The following TNS3 variants were observed in gnomAD, a reference collection of about 807,000 sequenced individuals.
The protein encoded by TNS3 is tensin-3.
TNS3 carries 45 observed loss-of-function variants against 140.9 expected under a neutral mutation model. The ratio of observed to expected loss-of-function variants is 0.32; its 90% CI spans 0.25 to 0.41. The LOEUF is 0.41. Among genes scored for constraint, TNS3 ranks in the 10% least tolerant of loss-of-function variants. TNS3 has a pLI of 1.00. For synonymous variants in TNS3, 815 were observed against 788.4 expected, an observed-to-expected ratio of 1.03 and a Z score of -0.56; for missense variants, 1,716 against 1,906.7, an observed-to-expected ratio of 0.90 and a Z score of 1.86.
At chr7:47,580,168 G>A (rs1269366589) in intron 1 of TNS3, among the ~76,000 whole-genome samples, 3 of 152,160 alleles carry the variant, frequency 2.0e-5, no homozygotes, top group African/African-American at 7.2e-5. Context: ...GAATTCAGTC[G>A]ACAGACGCGC....
At chr7:47,424,720 C>A (rs1417956194) in intron 9 of TNS3, among the ~76,000 whole-genome samples, 1 of 152,212 alleles carries the variant, frequency 6.6e-6, no homozygotes, top group Non-Finnish European at 1.5e-5. Flanking sequence ...CAGCCTGTGC[C>A]CCGCCAGTAT....
chr7:47,564,650 C>CAA (rs397961987), intron 1 of TNS3, among the ~76,000 whole-genome samples: 3,938 of 99,080 alleles, frequency 0.04, 291 homozygotes, highest in African/African-American at 0.14. Flanking sequence ...AAAAAAAAAA[C>CAA]AAAAAAAAAC....
intron 8 of TNS3, among the ~76,000 whole-genome samples, chr7:47,431,323 G>T (rs1350540668): frequency 6.6e-6 from 1 of 152,114 alleles, no homozygotes; most frequent in Non-Finnish European, 1.5e-5. Flanking sequence ...GGCAGGGCGC[G>T]GTGGCTCATG....
rs762464812 is a variant in TNS3 at position 47,529,029 on chromosome 7, G to A, written c.-153+7C>T. On this transcript the variant is annotated splice_region_variant and intron_variant, in intron 2 of 30. Transcript: ENST00000311160. ...AATCAGTGAGAGAATCATAAACACA[G>A]ACTTACCTCGGCATGAAATACCTTG... The A allele has an allele frequency of 7.8e-7, 1 of 1,277,602 alleles. No individual in the cohort carries two copies. Among genetic ancestry groups the A allele is most frequent in the African/African-American group, 1.5e-5 (1 of 65,382 alleles). The allele number at this position is 1,277,602 out of a possible 1,614,324, so 79.1% of individuals were successfully genotyped here.
At chr7:47,309,311 CTT>C (rs1786942641) in intron 20 of TNS3, among the ~76,000 whole-genome samples, 1 of 151,924 alleles carries the variant, frequency 6.6e-6, no homozygotes, top group African/African-American at 2.4e-5. Flanking sequence ...TTAAAGTTAA[CTT>C]ATCAATTATT....
At chr7:47,537,793 T>A (rs899181701) in intron 1 of TNS3, among the ~76,000 whole-genome samples, 6 of 152,108 alleles carry the variant, frequency 3.9e-5, no homozygotes, top group African/African-American at 1.2e-4. Context: ...AAAGGCTTTT[T>A]TTCTAATTTG....
chr7:47,453,216 GGCTGAGGGCCAGCCT>G, intron 4 of TNS3: 1 of 985,576 alleles, frequency 1.0e-6, no homozygotes, highest in Non-Finnish European at 1.2e-6. Flanking sequence ...GTCCGCCCGG[GGCTGAGGGCCAGCCT>G]GCCGAGGGCC....
chr7:47,455,770 A>G (rs931557845), intron 4 of TNS3, among the ~76,000 whole-genome samples: 2 of 152,254 alleles, frequency 1.3e-5, no homozygotes, highest in African/African-American at 4.8e-5. Context: ...AACCACGGCC[A>G]CTTTGCAGAT....
At chr7:47,513,205 T>G (rs1330934642) in intron 2 of TNS3, among the ~76,000 whole-genome samples, 1 of 152,222 alleles carries the variant, frequency 6.6e-6, no homozygotes, top group African/African-American at 2.4e-5. Context: ...GAGGTCTCAC[T>G]GTCACCCAGG....
intron 1 of TNS3, among the ~76,000 whole-genome samples, chr7:47,542,077 T>G (rs542614864): frequency 6.6e-6 from 1 of 152,220 alleles, no homozygotes; most frequent in East Asian, 1.9e-4. Context: ...GGGAGTTATG[T>G]GCAGTGGAGA....
chr7:47,300,890 G>A (rs538788898), intron 23 of TNS3, among the ~76,000 whole-genome samples: 1 of 152,206 alleles, frequency 6.6e-6, no homozygotes, highest in East Asian at 1.9e-4. Context: ...CCAATTCAGG[G>A]AAATGAAGGT....
At chr7:47,490,246 A>G (rs1329169951) in intron 3 of TNS3, among the ~76,000 whole-genome samples, 4 of 152,266 alleles carry the variant, frequency 2.6e-5, no homozygotes, top group Admixed American at 2.6e-4. Flanking sequence ...TGATCAGCCT[A>G]TAATTCTCAC....
At chr7:47,335,536 C>T (rs1562605068) in intron 20 of TNS3, among the ~76,000 whole-genome samples, 1 of 152,236 alleles carries the variant, frequency 6.6e-6, no homozygotes, top group Non-Finnish European at 1.5e-5. Flanking sequence ...GGCACAAGCA[C>T]ATCTCTGGGA....
chr7:47,346,871 A>G (rs2151005229), intron 17 of TNS3, among the ~76,000 whole-genome samples: 1 of 152,336 alleles, frequency 6.6e-6, no homozygotes, highest in East Asian at 1.9e-4. Flanking sequence ...TATTATTTCA[A>G]GCATCAACAA....
Position 47,344,766 on chromosome 7 carries a change from T to C in TNS3, c.2639A>G (p.Lys880Arg), listed in dbSNP as rs369259069. Reference protein sequence around the residue: ...PPLSSPASQHKGGREPRSCPE... With the variant: ...PPLSSPASQHRGGREPRSCPE... ...GGTAGATTTCTTACCACGTCCTCCTTTGTGCTGACTGGCTGGGCTGCTCAG... is the reference window on the plus strand; with the variant it reads ...GGTAGATTTCTTACCACGTCCTCCTCTGTGCTGACTGGCTGGGCTGCTCAG... The change falls in exon 20 of 31, where the codon AAA becomes AGA. Residue 880 changes from lysine (K) to arginine (R), a missense_variant. Transcript: ENST00000311160. 110 of 1,612,556 alleles carry C rather than the reference T, an allele frequency of 6.8e-5. No homozygotes were observed. Among genetic ancestry groups the C allele is most frequent in the Middle Eastern group, 2.0e-4 (1 of 5,128 alleles).
At chr7:47,537,272 G>A (rs568860080) in intron 1 of TNS3, among the ~76,000 whole-genome samples, 168 of 152,234 alleles carry the variant, frequency 1.1e-3, no homozygotes, top group African/African-American at 3.8e-3. Context: ...CGTGGCCGCC[G>A]GCCCAGGTCC....
At chr7:47,281,755 G>A (rs1161635754) in intron 28 of TNS3, among the ~76,000 whole-genome samples, 2 of 152,216 alleles carry the variant, frequency 1.3e-5, no homozygotes, top group Non-Finnish European at 2.9e-5. Context: ...TCTGACAAGG[G>A]CACATAGAAC....
At chr7:47,440,502 G>C (rs1795414257) in intron 5 of TNS3, among the ~76,000 whole-genome samples, 1 of 152,218 alleles carries the variant, frequency 6.6e-6, no homozygotes, top group African/African-American at 2.4e-5. Context: ...GAAGAGGGAA[G>C]AGGGCAGAAA....
chr7:47,423,073 G>A (rs577534600), intron 10 of TNS3, among the ~76,000 whole-genome samples: 3 of 152,290 alleles, frequency 2.0e-5, no homozygotes, highest in African/African-American at 7.2e-5. Context: ...AGGAAAAGGT[G>A]CCTCTGGTGA....
Sources: allele counts gnomAD v4.1 joint callset (sites outside exome capture counted in the v4.1 genomes callset), GRCh38; gene constraint gnomAD v4.1.1; transcripts MANE v1.5; gene names NCBI Gene and HGNC (gene_info 2026-07-23, HGNC 2026-07-21).